MID1: variants seen among roughly 807,000 people sequenced by gnomAD.
MID1 encodes midline 1.
MID1 carries 7 observed loss-of-function variants against 40.4 expected under a neutral mutation model. The observed-to-expected ratio is 0.17, with a 90% CI of 0.10 to 0.33. The LOEUF (loss-of-function observed/expected upper bound fraction) is 0.33, where lower values mean the gene tolerates loss of function less well. Ranked by LOEUF, MID1 falls within the 10% of genes least tolerant of loss-of-function variation. The pLI is 1.00. For synonymous variants in MID1, 229 were observed against 221.2 expected, an observed-to-expected ratio of 1.04 and a Z score of -0.31; for missense variants, 367 against 558.5, an observed-to-expected ratio of 0.66 and a Z score of 3.46.
intron 3 of MID1, among the ~76,000 whole-genome samples, chrX:10,509,471 G>C: frequency 9.0e-6 from 1 of 111,457 alleles, no homozygotes; most frequent in Admixed American, 9.5e-5. Context: ...AAAGGTACAG[G>C]TTTATAATAA....
At chrX:10,812,667 T>C (rs910511656) in intron 1 of MID1, among the ~76,000 whole-genome samples, 2 of 111,558 alleles carry the variant, frequency 1.8e-5, no homozygotes, top group Admixed American at 1.9e-4. Context: ...CTGGCCCAGA[T>C]TGAGGAAGAC....
At chrX:10,534,198 A>C (rs1461881040) in intron 2 of MID1, among the ~76,000 whole-genome samples, 2 of 111,555 alleles carry the variant, frequency 1.8e-5, no homozygotes, top group East Asian at 2.8e-4. Flanking sequence ...CCTTTCTTCC[A>C]TCTTAAGTAG....
intron 1 of MID1, among the ~76,000 whole-genome samples, chrX:10,579,680 C>A (rs1050402134): frequency 9.0e-6 from 1 of 111,577 alleles, no homozygotes; most frequent in African/African-American, 3.3e-5. Context: ...ACCTCCTGAT[C>A]TTAAAAAGTA....
At chrX:10,628,912 G>A (rs1936023519) in intron 1 of MID1, among the ~76,000 whole-genome samples, 1 of 111,721 alleles carries the variant, frequency 9.0e-6, no homozygotes, top group African/African-American at 3.3e-5. Context: ...ATGGGACATC[G>A]GAATCCATCT....
At chrX:10,551,716 G>C (rs929514269) in intron 2 of MID1, among the ~76,000 whole-genome samples, 1 of 112,112 alleles carries the variant, frequency 8.9e-6, no homozygotes, top group African/African-American at 3.2e-5. Context: ...ACAAAATACA[G>C]CCACTGGGCT....
chrX:10,589,374 C>G (rs1463421362), intron 1 of MID1, among the ~76,000 whole-genome samples: 3 of 110,868 alleles, frequency 2.7e-5, no homozygotes, highest in African/African-American at 9.9e-5. Flanking sequence ...AAGTCAAAAC[C>G]AAAACCAACA....
At chrX:10,698,357 G>T (rs1488875674) in intron 1 of MID1, among the ~76,000 whole-genome samples, 1 of 112,226 alleles carries the variant, frequency 8.9e-6, no homozygotes, top group Non-Finnish European at 1.9e-5. Flanking sequence ...TTAAAAAACG[G>T]ATCTCATTTA....
chrX:10,469,264 G>A, intron 7 of MID1: 4 of 748,151 alleles, frequency 5.3e-6, no homozygotes, highest in Non-Finnish European at 6.6e-6. Flanking sequence ...TGTATTTTTT[G>A]TAGAGATGGG....
At chrX:10,454,696 G>C (rs751224945) in intron 9 of MID1, among the ~76,000 whole-genome samples, 174 bp downstream of exon 9, 2 of 111,969 alleles carry the variant, frequency 1.8e-5, no homozygotes, top group Non-Finnish European at 3.8e-5. Context: ...GTTGTTGTTT[G>C]AATCTGCTGA....
At chrX:10,515,044 G>A (rs147207200) in intron 3 of MID1, among the ~76,000 whole-genome samples, 110 of 111,805 alleles carry the variant, frequency 9.8e-4, no homozygotes, top group African/African-American at 3.4e-3. Flanking sequence ...TCAGACACAC[G>A]TTCACAAGAC....
At chrX:10,628,661 T>A (rs1936020810) in intron 1 of MID1, among the ~76,000 whole-genome samples, 1 of 111,693 alleles carries the variant, frequency 9.0e-6, no homozygotes, top group African/African-American at 3.3e-5. Flanking sequence ...CAAATTAATT[T>A]AGCCCAATTA....
chrX:10,644,888 T>G (rs1291261551), intron 1 of MID1, among the ~76,000 whole-genome samples: 1 of 112,321 alleles, frequency 8.9e-6, no homozygotes, highest in South Asian at 3.7e-4. Context: ...CTTGTCTTCT[T>G]TTTAATTCCA....
chrX:10,686,168 G>C (rs2043096411), intron 1 of MID1, among the ~76,000 whole-genome samples: 1 of 111,425 alleles, frequency 9.0e-6, no homozygotes, highest in Non-Finnish European at 1.9e-5. Context: ...CTCAGAGTCT[G>C]TGATCTTGAG....
At chrX:10,467,912 C>A (rs6530402) in intron 7 of MID1, among the ~76,000 whole-genome samples, 6,540 of 111,867 alleles carry the variant, frequency 0.058, 361 homozygotes, top group African/African-American at 0.18. Context: ...AGACCTCCCA[C>A]TATGCCCTGC....
intron 1 of MID1, among the ~76,000 whole-genome samples, chrX:10,627,868 C>T (rs1038126977): frequency 2.7e-5 from 3 of 111,799 alleles, no homozygotes; most frequent in Admixed American, 9.5e-5. Context: ...ACAGGATTTG[C>T]GCTCCTTGCT....
At chrX:10,823,721 T>C (rs1425666066) in intron 1 of MID1, among the ~76,000 whole-genome samples, 1 of 110,590 alleles carries the variant, frequency 9.0e-6, no homozygotes, top group African/African-American at 3.3e-5. Context: ...TCATTGATAG[T>C]GACCCCAGTA....
chrX:10,482,713 TTG>T lies in MID1; in HGVS notation c.865-87_865-86del, dbSNP rs1432655643. 3.6e-5 allele frequency: 37 copies of T among 1,020,785 alleles called. No individual in the cohort carries two copies. In the African/African-American group the frequency reaches 6.1e-4, roughly 17 times the overall value. 84.1% of individuals were successfully genotyped at this position (1,020,785 alleles called of 1,213,427 possible). ...GCATCAGGCTGGATCCTTCATTTTGTTGTGTTATCCTTCCATAAAAGTTCAAA... is the reference window on the plus strand; with the variant it reads ...GCATCAGGCTGGATCCTTCATTTTGTTGTTATCCTTCCATAAAAGTTCAAA... On this transcript the variant is annotated intron_variant, in intron 4 of 9. Coordinates refer to ENST00000317552, the MANE Select transcript of MID1 (RefSeq NM_000381.4).
chrX:10,537,453 G>A (rs913009786), intron 2 of MID1, among the ~76,000 whole-genome samples: 2 of 111,980 alleles, frequency 1.8e-5, no homozygotes, highest in African/African-American at 6.5e-5. Context: ...CACTGTGATA[G>A]GACACTCTGG....
rs145951240 is a variant in MID1 at position 10,766,748 on chromosome X, C to T, written c.-187+66806G>A. Among the ~76,000 whole-genome samples the T allele has an allele frequency of 7.4e-3, 808 of 109,028 alleles. 15 individuals are homozygous for T. Among genetic ancestry groups the T allele is most frequent in the African/African-American group, 0.026 (769 of 29,920 alleles). The allele number at this position is 109,028 out of a possible 115,157, so 94.7% of individuals were successfully genotyped here. On this transcript the variant is annotated intron_variant, in intron 1 of 10. Coordinates refer to the MID1 transcript ENST00000380785. ...CAGCCTGGGCAACAAGGTGAAACCTCGTCTCCATAAAAAGTATAAAACTTA... is the reference window on the plus strand; with the variant it reads ...CAGCCTGGGCAACAAGGTGAAACCTTGTCTCCATAAAAAGTATAAAACTTA...
Sources: gnomAD v4.1 joint callset for allele counts (sites outside exome capture counted in the v4.1 genomes callset) on GRCh38, gnomAD v4.1.1 for gene constraint, MANE v1.5 for transcripts, NCBI Gene and HGNC (gene_info 2026-07-23, HGNC 2026-07-21) for gene names.